The following PLD1 variants were observed in gnomAD, a reference collection of about 807,000 sequenced individuals.
The protein encoded by PLD1 is choline phosphatase 1.
PLD1 carries 112 observed loss-of-function variants against 137.1 expected under a neutral mutation model. The ratio of observed to expected loss-of-function variants is 0.82; its 90% confidence interval spans 0.70 to 0.96. PLD1 has a LOEUF of 0.96. Ranked by LOEUF, PLD1 falls within the 40% of genes least tolerant of loss-of-function variation. PLD1 has a pLI of 0.00. For synonymous variants in PLD1, 431 were observed against 454.7 expected, an observed-to-expected ratio of 0.95 and a Z score of 0.66; for missense variants, 1,321 against 1,342.0, an observed-to-expected ratio of 0.98 and a Z score of 0.24.
chr3:171,642,720 T>G, intron 23 of PLD1, 120 bp downstream of exon 23: 1 of 633,046 alleles, frequency 1.6e-6, no homozygotes. Flanking sequence ...CAGGTGAACA[T>G]TTTGTGGGGT....
intron 1 of PLD1, among the ~76,000 whole-genome samples, chr3:171,774,701 G>A (rs1372459851): frequency 6.6e-6 from 1 of 152,192 alleles, no homozygotes; most frequent in African/African-American, 2.4e-5. Context: ...CGTAAACCCC[G>A]CAGCAGCATG....
intron 23 of PLD1, among the ~76,000 whole-genome samples, chr3:171,636,378 T>G (rs1425842990): frequency 6.6e-6 from 1 of 152,142 alleles, no homozygotes; most frequent in African/African-American, 2.4e-5. Flanking sequence ...TACTGCCATC[T>G]TAACAATGCT....
Position 171,783,236 on chromosome 3 carries a change from G to A in PLD1, c.-32+27163C>T, listed in dbSNP as rs1420645296. Among the ~76,000 whole-genome samples, 5 of 152,084 alleles carry A rather than the reference G, an allele frequency of 3.3e-5. No homozygotes were observed. The South Asian group carries it at 6.2e-4, about 19-fold the overall frequency. On this transcript the variant is annotated intron_variant, in intron 1 of 26. Coordinates refer to ENST00000351298, the MANE Select transcript of PLD1 (RefSeq NM_002662.5). ...AGTGGAGGCAGGGGTGGAGGGTGGC[G>A]TGATTAATTTAATGTCATCAGAGTG...
At chr3:171,650,818 A>G (rs1165939501) in intron 21 of PLD1, among the ~76,000 whole-genome samples, 1 of 152,162 alleles carries the variant, frequency 6.6e-6, no homozygotes, top group Non-Finnish European at 1.5e-5. Context: ...GAATGGCGTG[A>G]ACCCGGGAGG....
rs1426501760 is a variant in PLD1 at position 171,620,773 on chromosome 3, ATATATTT to A, written c.2594-260_2594-254del. Among the ~76,000 whole-genome samples, 1,050 of 135,644 alleles carry A rather than the reference ATATATTT, an allele frequency of 7.7e-3. 14 individuals are homozygous for A. Among genetic ancestry groups the A allele is most frequent in the African/African-American group, 0.029 (947 of 33,210 alleles). 89.0% of individuals were successfully genotyped at this position (135,644 alleles called of 152,430 possible). ...ATATATATATATATATATATATTAT[ATATATTT>A]TTTTTTTAATTGAAGTGTTTTCTGT... On this transcript the variant is annotated intron_variant, in intron 23 of 26. Coordinates refer to ENST00000351298, the MANE Select transcript of PLD1 (RefSeq NM_002662.5).
rs1011006779 is a variant in PLD1 at position 171,769,012 on chromosome 3, T to C, written c.-31-30930A>G. 3.9e-5 allele frequency among the ~76,000 whole-genome samples: 6 copies of C among 152,350 alleles called. No individual in the cohort carries two copies. In the East Asian group the frequency reaches 1.2e-3, roughly 29 times the overall value. ...GTTCCAAACCTAGAATCAGGAATAA[T>C]CTAAGGTTTGCTTAGACACTTTACC... On this transcript the variant is annotated intron_variant, in intron 1 of 26. Coordinates refer to ENST00000351298, the MANE Select transcript of PLD1 (RefSeq NM_002662.5).
rs536483953 is a variant in PLD1, at chr3:171,774,590, G to A, written c.-32+35809C>T. ...AGTAGGAGGAATGAGGCCTTTTTGG[G>A]TGAGTAGGAATTTAGACATTCCAGG... On this transcript the variant is annotated intron_variant, in intron 1 of 26. Coordinates refer to ENST00000351298, the MANE Select transcript of PLD1 (RefSeq NM_002662.5). 3.9e-5 allele frequency among the ~76,000 whole-genome samples: 6 copies of A among 152,322 alleles called. No homozygotes were observed. The East Asian group carries it at 9.7e-4, about 25-fold the overall frequency.
chr3:171,639,597 T>TA (rs1735506161), intron 23 of PLD1, among the ~76,000 whole-genome samples: 7 of 88,952 alleles, frequency 7.9e-5, no homozygotes, highest in Admixed American at 7.7e-4. Context: ...TAATATATAT[T>TA]CATATAATAT....
chr3:171,674,212 T>A (rs1159667183), intron 19 of PLD1, among the ~76,000 whole-genome samples: 1 of 152,224 alleles, frequency 6.6e-6, no homozygotes, highest in Non-Finnish European at 1.5e-5. Context: ...CCAGGTTTAC[T>A]GGGTATCATG....
At chr3:171,681,834 G>C (rs1713997648) in intron 16 of PLD1, among the ~76,000 whole-genome samples, 2 of 152,080 alleles carry the variant, frequency 1.3e-5, no homozygotes, top group South Asian at 4.1e-4. Context: ...GAACAGTTTA[G>C]AAACAGCTTA....
intron 1 of PLD1, among the ~76,000 whole-genome samples, chr3:171,798,793 C>T (rs1202851816): frequency 6.6e-6 from 1 of 152,124 alleles, no homozygotes; most frequent in Non-Finnish European, 1.5e-5. Context: ...ATTACCTGAC[C>T]GTCCTGAGAG....
chr3:171,737,815 T>A, intron 2 of PLD1, 77 bp downstream of exon 2: 1 of 1,477,044 alleles, frequency 6.8e-7, no homozygotes, highest in Admixed American at 2.1e-5. Flanking sequence ...AATCATTTGC[T>A]GGTTACTTCA....
chr3:171,611,638 A>C (rs747306550), intron 25 of PLD1: 1 of 518,910 alleles, frequency 1.9e-6, no homozygotes, highest in African/African-American at 1.9e-5. Flanking sequence ...TTTAGACCTG[A>C]AAACAGAAGT....
Position 171,620,381 on chromosome 3 carries a change from C to T in PLD1, c.2728+5G>A. ...ATACAATTATAGACCATATACTGTA[C>T]TTACCAATAATAACAGTGTTATCAT... On this transcript the variant is annotated splice_donor_5th_base_variant and intron_variant, in intron 24 of 26. Coordinates refer to ENST00000351298, the MANE Select transcript of PLD1 (RefSeq NM_002662.5). 6.3e-7 allele frequency: 1 copy of T among 1,586,538 alleles called. No individual in the cohort carries two copies. Among genetic ancestry groups the T allele is most frequent in the Non-Finnish European group, 8.6e-7 (1 of 1,160,354 alleles).
At chr3:171,646,137 T>C (rs913263849) in intron 21 of PLD1, among the ~76,000 whole-genome samples, 9 of 152,154 alleles carry the variant, frequency 5.9e-5, no homozygotes, top group Non-Finnish European at 8.8e-5. Flanking sequence ...TCAAAAGCTA[T>C]TAACGTTCTT....
At chr3:171,660,013 G>A (rs941523586) in intron 20 of PLD1, among the ~76,000 whole-genome samples, 7 of 152,082 alleles carry the variant, frequency 4.6e-5, no homozygotes, top group Admixed American at 4.6e-4. Flanking sequence ...ATATTTTGTT[G>A]CTGCATAAAG....
chr3:171,732,084 A>C (rs1192521638), intron 6 of PLD1, among the ~76,000 whole-genome samples: 1 of 152,236 alleles, frequency 6.6e-6, no homozygotes, highest in East Asian at 1.9e-4. Context: ...AAAGTAAAAG[A>C]AATGGAAAAT....
intron 1 of PLD1, among the ~76,000 whole-genome samples, chr3:171,776,473 T>C (rs191833901): frequency 6.6e-6 from 1 of 152,356 alleles, no homozygotes; most frequent in African/African-American, 2.4e-5. Flanking sequence ...TTGCAATATT[T>C]CAGCTCTTTA....
intron 9 of PLD1, among the ~76,000 whole-genome samples, chr3:171,713,288 C>T (rs760602301): frequency 4.6e-5 from 7 of 152,070 alleles, no homozygotes; most frequent in South Asian, 2.1e-4. Context: ...GGTGAAACCC[C>T]GTCTCTATCA....
Sources: gnomAD v4.1 joint callset for allele counts (sites outside exome capture counted in the v4.1 genomes callset) on GRCh38, gnomAD v4.1.1 for gene constraint, MANE v1.5 for transcripts, NCBI Gene and HGNC (gene_info 2026-07-23, HGNC 2026-07-21) for gene names.